FGF14: variants seen among roughly 807,000 people sequenced by gnomAD.
FGF14 encodes fibroblast growth factor homologous factor 4.
In FGF14, 5 loss-of-function variants were observed where a neutral mutation model predicts 25.5. That is an observed-to-expected ratio of 0.20 (90% CI 0.10 to 0.41). FGF14 has a LOEUF of 0.41. FGF14 is among the 10% of genes least tolerant of loss of function. The pLI, the probability that FGF14 is intolerant of heterozygous loss-of-function variation, is 1.00. For synonymous variants in FGF14, 138 were observed against 118.3 expected (o/e 1.17, Z -1.08); for missense variants, 222 against 320.1 (o/e 0.69, Z 2.34).
intron 3 of FGF14, among the ~76,000 whole-genome samples, chr13:101,840,194 A>G (rs1384744590): frequency 6.6e-6 from 1 of 152,010 alleles, no homozygotes; most frequent in Non-Finnish European, 1.5e-5. Flanking sequence ...TGTTTATTTT[A>G]AAAGGATTCT....
chr13:102,161,550 G>A, intron 1 of FGF14, among the ~76,000 whole-genome samples: 1 of 145,338 alleles, frequency 6.9e-6, no homozygotes, highest in Non-Finnish European at 1.5e-5. Context: ...TATTCTCTAT[G>A]CAACCAACTT....
At chr13:101,846,852 G>A (rs2043490122) in intron 3 of FGF14, among the ~76,000 whole-genome samples, 1 of 152,022 alleles carries the variant, frequency 6.6e-6, no homozygotes, top group Non-Finnish European at 1.5e-5. Flanking sequence ...AGAATTATGT[G>A]GGAAGACAGA....
chr13:101,738,865 A>C (rs958664917), intron 3 of FGF14, among the ~76,000 whole-genome samples: 1 of 151,156 alleles, frequency 6.6e-6, no homozygotes, highest in African/African-American at 2.4e-5. Context: ...ATATACCCAC[A>C]CACACACACA....
intron 3 of FGF14, among the ~76,000 whole-genome samples, chr13:101,757,080 T>C (rs2139878130): frequency 6.6e-6 from 1 of 152,336 alleles, no homozygotes; most frequent in African/African-American, 2.4e-5. Flanking sequence ...TTTTACTTTC[T>C]AAATCTGAAC....
chr13:102,379,934 C>A (rs530210169), intron 1 of FGF14, among the ~76,000 whole-genome samples: 15 of 152,238 alleles, frequency 9.9e-5, no homozygotes, highest in African/African-American at 3.6e-4. Context: ...TTATTCAAGC[C>A]TCCAGAGACT....
chr13:101,815,511 A>C (rs2041796989), intron 3 of FGF14, among the ~76,000 whole-genome samples: 2 of 152,284 alleles, frequency 1.3e-5, no homozygotes, highest in Admixed American at 6.5e-5. Context: ...TATTTTAAGA[A>C]GCACTGAAAA....
chr13:101,931,288 T>A (rs1365422272), intron 1 of FGF14, among the ~76,000 whole-genome samples: 1 of 152,152 alleles, frequency 6.6e-6, no homozygotes, highest in Non-Finnish European at 1.5e-5. Flanking sequence ...GCTTCCCAGC[T>A]CCTTCCATTC....
chr13:102,075,624 T>C (rs1461331601), intron 1 of FGF14, among the ~76,000 whole-genome samples: 5 of 152,260 alleles, frequency 3.3e-5, no homozygotes, highest in Admixed American at 2.6e-4. Flanking sequence ...GGATTTACTA[T>C]ACATTTTATC....
chr13:102,189,109 GAT>G (rs57034019), intron 1 of FGF14, among the ~76,000 whole-genome samples: 9,648 of 148,310 alleles, frequency 0.065, 551 homozygotes, highest in Middle Eastern at 0.14. Context: ...GGGAGAGAGA[GAT>G]AGAGAGAGAG....
upstream of FGF14, chr13:102,401,787 A>AT (rs2058707952): frequency 1.1e-6 from 1 of 937,044 alleles, no homozygotes; most frequent in South Asian, 1.4e-5. Context: ...TGAATGATTT[A>AT]TCCCCCCTCG....
chr13:102,392,429 G>A (rs1194409790), intron 1 of FGF14, among the ~76,000 whole-genome samples: 1 of 152,132 alleles, frequency 6.6e-6, no homozygotes, highest in Admixed American at 6.5e-5. Context: ...TTATTGTAAA[G>A]CATTTTTTCC....
chr13:101,780,220 A>G (rs1055250051), intron 3 of FGF14, among the ~76,000 whole-genome samples: 2 of 152,198 alleles, frequency 1.3e-5, no homozygotes, highest in Non-Finnish European at 2.9e-5. Context: ...TAGAACTGCC[A>G]GTACTTGCTA....
chr13:101,898,519 A>G (rs2031068509), intron 1 of FGF14, among the ~76,000 whole-genome samples: 1 of 152,146 alleles, frequency 6.6e-6, no homozygotes, highest in Admixed American at 6.6e-5. Flanking sequence ...TTTTCTTCCA[A>G]AAAATTCAAA....
chr13:102,119,835 T>C (rs980944528), intron 1 of FGF14, among the ~76,000 whole-genome samples: 3 of 152,150 alleles, frequency 2.0e-5, no homozygotes, highest in African/African-American at 7.2e-5. Context: ...TTTGAACACT[T>C]TTATCACAAA....
At chr13:102,068,733 G>A (rs2043015880) in intron 1 of FGF14, among the ~76,000 whole-genome samples, 1 of 152,224 alleles carries the variant, frequency 6.6e-6, no homozygotes, top group African/African-American at 2.4e-5. Context: ...GGGACCTGCA[G>A]CCTGCCATGC....
At chr13:101,857,488 A>G (rs2044185773) in intron 3 of FGF14, among the ~76,000 whole-genome samples, 2 of 152,044 alleles carry the variant, frequency 1.3e-5, no homozygotes, top group Non-Finnish European at 2.9e-5. Context: ...GAGATCTAAT[A>G]TGTTTCTGCT....
chr13:101,822,247 C>A (rs1291125732), intron 3 of FGF14, among the ~76,000 whole-genome samples: 1 of 152,086 alleles, frequency 6.6e-6, no homozygotes, highest in East Asian at 1.9e-4. Context: ...TGATTAAGCA[C>A]CTTTTTATGG....
At chr13:102,159,189 T>C (rs1004851440) in intron 1 of FGF14, among the ~76,000 whole-genome samples, 2 of 151,540 alleles carry the variant, frequency 1.3e-5, no homozygotes, top group Non-Finnish European at 2.9e-5. Flanking sequence ...GGGTTCACCT[T>C]CTGTTTTTAC....
Position 101,711,984 on chromosome 13 carries a change from A to T in FGF14, c.*10847T>A, listed in dbSNP as rs565587732. ...AACCATTTCTCACCTCTTGATAGTC[A>T]TGCAGCCTACATCTGTCTGATGGAA... On this transcript the variant is annotated 3_prime_UTR_variant, in exon 5 of 5. Transcript: ENST00000376143. 2 of 152,214 alleles carry T rather than the reference A, an allele frequency of 1.3e-5. No homozygotes were observed. The highest frequency in any genetic ancestry group is 4.8e-5 in the African/African-American group (2 of 41,458). The allele number at this position is 152,214 out of a possible 1,614,324, so 9.4% of individuals were successfully genotyped here.
Sources: gnomAD v4.1 joint callset for allele counts (sites outside exome capture counted in the v4.1 genomes callset) on GRCh38, gnomAD v4.1.1 for gene constraint, MANE v1.5 for transcripts, NCBI Gene and HGNC (gene_info 2026-07-23, HGNC 2026-07-21) for gene names.